Variants in CTNNA2 observed in about 807,000 individuals in gnomAD.
CTNNA2 encodes the protein catenin alpha 2.
Under a neutral mutation model 101.0 loss-of-function variants are expected in CTNNA2, and 42 were observed. The ratio of observed to expected loss-of-function variants is 0.42; its 90% CI spans 0.32 to 0.54. The LOEUF (loss-of-function observed/expected upper bound fraction) is 0.54, where lower values mean the gene tolerates loss of function less well. Among genes scored for constraint, CTNNA2 ranks in the 20% least tolerant of loss-of-function variants. The pLI is 0.14. For synonymous variants in CTNNA2, 450 were observed against 456.4 expected, an observed-to-expected ratio of 0.99 and a Z score of 0.18; for missense variants, 871 against 1,223.1, an observed-to-expected ratio of 0.71 and a Z score of 4.29.
rs368210139 is a variant in CTNNA2 at position 79,275,169 on chromosome 2, G to C, written c.-405-37540G>C. On this transcript the variant is annotated intron_variant, in intron 2 of 21. Coordinates refer to the CTNNA2 transcript ENST00000466387. ...TGAAAGCATAAGCACAGAAGAAATGGTTGTGTTGCAAGCTTAGTATTTCAA... is the reference window on the plus strand; with the variant it reads ...TGAAAGCATAAGCACAGAAGAAATGCTTGTGTTGCAAGCTTAGTATTTCAA... Among the ~76,000 whole-genome samples the C allele has an allele frequency of 1.6e-4, 25 of 152,196 alleles. No homozygotes were observed. In the East Asian group the frequency reaches 4.1e-3, roughly 25 times the overall value.
chr2:79,534,255 A>C (rs534854288), intron 1 of CTNNA2, among the ~76,000 whole-genome samples: 90 of 152,128 alleles, frequency 5.9e-4, no homozygotes, highest in Non-Finnish European at 1.0e-3. Context: ...TTACATGTTT[A>C]AACATTTTTA....
intron 7 of CTNNA2, among the ~76,000 whole-genome samples, chr2:79,917,957 C>T (rs867841988): frequency 3.9e-5 from 6 of 152,268 alleles, no homozygotes; most frequent in Middle Eastern, 3.4e-3. Flanking sequence ...TAGGTAACAT[C>T]CAGGCCCTGT....
At chr2:79,877,048 TATA>T (rs1443448887) in intron 6 of CTNNA2, among the ~76,000 whole-genome samples, 1 of 151,586 alleles carries the variant, frequency 6.6e-6, no homozygotes, top group African/African-American at 2.4e-5. Flanking sequence ...TTATATTACT[TATA>T]ATATTAACTC....
At chr2:79,759,671 G>A (rs1012353851) in intron 3 of CTNNA2, among the ~76,000 whole-genome samples, 1 of 151,712 alleles carries the variant, frequency 6.6e-6, no homozygotes, top group Admixed American at 6.6e-5. Flanking sequence ...CTTTTTTCTG[G>A]TTCCATATCT....
At chr2:79,352,090 T>C (rs750516531) in intron 3 of CTNNA2, among the ~76,000 whole-genome samples, 2 of 152,230 alleles carry the variant, frequency 1.3e-5, no homozygotes, top group Non-Finnish European at 2.9e-5. Context: ...GCATTTGTTA[T>C]TTTTTGACTT....
chr2:79,731,295 T>C lies in CTNNA2; in HGVS notation c.103-13092T>C, dbSNP rs984367422. On this transcript the variant is annotated intron_variant, in intron 2 of 18. Coordinates refer to ENST00000402739, the MANE Select transcript of CTNNA2 (RefSeq NM_001282597.3). ...GATGATTTTGATGATTTTTCATTGA[T>C]GATTTAGACTTGTTTATTGAAGTGT... Among the ~76,000 whole-genome samples the C allele has an allele frequency of 2.0e-5, 3 of 152,218 alleles. No homozygotes were observed. In the South Asian group the frequency reaches 6.2e-4, roughly 31 times the overall value.
At chr2:80,576,417 C>G (rs1695055164) in intron 13 of CTNNA2, 1 of 134,062 alleles carries the variant, frequency 7.5e-6, no homozygotes, top group Non-Finnish European at 1.6e-5. Flanking sequence ...CCATTGGGAT[C>G]TGTTAGGCAC....
At chr2:80,125,818 G>C (rs535652238) in intron 7 of CTNNA2, among the ~76,000 whole-genome samples, 1 of 152,232 alleles carries the variant, frequency 6.6e-6, no homozygotes, top group Admixed American at 6.5e-5. Context: ...TGCTACAATG[G>C]AAATTTTTGT....
rs1422406511 is a variant in CTNNA2 at position 79,872,258 on chromosome 2, A to G, written c.586-1818A>G. On this transcript the variant is annotated intron_variant, in intron 5 of 18. Transcript: ENST00000402739. ...AGTTTTTTTTCAACCAATTCTTGGT[A>G]ATTCAATATTTAGATTGTTTCCAGT... Among the ~76,000 whole-genome samples, 3 of 152,156 alleles carry G rather than the reference A, an allele frequency of 2.0e-5. No individual in the cohort carries two copies. The East Asian group carries it at 5.8e-4, about 29-fold the overall frequency.
intron 7 of CTNNA2, among the ~76,000 whole-genome samples, chr2:79,927,187 A>G (rs1262788548): frequency 6.6e-6 from 1 of 152,210 alleles, no homozygotes; most frequent in Non-Finnish European, 1.5e-5. Flanking sequence ...GCAGAGGGAT[A>G]GGATTCTAAA....
chr2:79,831,945 T>C (rs1382179811), intron 3 of CTNNA2, among the ~76,000 whole-genome samples: 2 of 152,242 alleles, frequency 1.3e-5, no homozygotes, highest in African/African-American at 4.8e-5. Flanking sequence ...CATGAACATT[T>C]CCAGTTTTCT....
At chr2:79,488,815 C>G (rs1200427303) in intron 4 of CTNNA2, among the ~76,000 whole-genome samples, 1 of 152,134 alleles carries the variant, frequency 6.6e-6, no homozygotes, top group Non-Finnish European at 1.5e-5. Context: ...GAAAGCCTCT[C>G]CTGTCTGTCC....
chr2:79,494,010 T>C (rs1671229832), intron 4 of CTNNA2: 1 of 152,106 alleles, frequency 6.6e-6, no homozygotes, highest in Admixed American at 6.5e-5. Context: ...AAAACAATTG[T>C]ATTTCTATAT....
chr2:79,522,881 T>C (rs1336528529), intron 1 of CTNNA2, among the ~76,000 whole-genome samples: 1 of 152,192 alleles, frequency 6.6e-6, no homozygotes, highest in Non-Finnish European at 1.5e-5. Context: ...ACATGTTTTG[T>C]CTTTTGCACT....
chr2:79,452,107 T>C (rs1670762418), intron 4 of CTNNA2, among the ~76,000 whole-genome samples: 1 of 152,116 alleles, frequency 6.6e-6, no homozygotes, highest in Non-Finnish European at 1.5e-5. Flanking sequence ...CTTAACAACA[T>C]TAAATTAGTT....
chr2:79,818,153 C>A (rs1677681907), intron 3 of CTNNA2, among the ~76,000 whole-genome samples: 1 of 152,124 alleles, frequency 6.6e-6, no homozygotes, highest in Admixed American at 6.5e-5. Flanking sequence ...CAGCAGATTA[C>A]ATTAAGAAGT....
At chr2:79,234,447 C>G (rs1262961494) in intron 2 of CTNNA2, among the ~76,000 whole-genome samples, 1 of 152,168 alleles carries the variant, frequency 6.6e-6, no homozygotes, top group Non-Finnish European at 1.5e-5. Context: ...ACCTACCTTT[C>G]TCTCTAGCTG....
At chr2:79,787,648 G>C (rs978737216) in intron 3 of CTNNA2, among the ~76,000 whole-genome samples, 5 of 152,022 alleles carry the variant, frequency 3.3e-5, no homozygotes, top group African/African-American at 1.2e-4. Flanking sequence ...CCTTCTGGGA[G>C]GTGTCAGGGA....
At chr2:79,569,126 TTAC>T (rs1444545005) in intron 1 of CTNNA2, among the ~76,000 whole-genome samples, 1 of 152,232 alleles carries the variant, frequency 6.6e-6, no homozygotes, top group Non-Finnish European at 1.5e-5. Flanking sequence ...AAATCACTTC[TTAC>T]TGTGTCTTGA....
Sources: gnomAD v4.1 joint callset for allele counts (sites outside exome capture counted in the v4.1 genomes callset) on GRCh38, gnomAD v4.1.1 for gene constraint, MANE v1.5 for transcripts, NCBI Gene and HGNC (gene_info 2026-07-23, HGNC 2026-07-21) for gene names.